The following SEC24D variants were observed in gnomAD, a reference collection of about 807,000 sequenced individuals.
SEC24D encodes the protein protein transport protein Sec24D.
In SEC24D, 69 loss-of-function variants were observed where a neutral mutation model predicts 116.9. The ratio of observed to expected loss-of-function variants is 0.59; its 90% CI spans 0.49 to 0.72. The LOEUF is 0.72. SEC24D is among the 30% of genes least tolerant of loss of function. The probability of loss-of-function intolerance (pLI) is 0.00; values close to 1 mark genes in which losing one functional copy is unlikely to be tolerated. For missense variants in SEC24D, 1,131 were observed against 1,264.1 expected (o/e 0.89, Z 1.60); for synonymous variants, 405 against 442.8 (o/e 0.91, Z 1.07).
At chr4:118,802,505 T>G (rs4834704) in intron 7 of SEC24D, among the ~76,000 whole-genome samples, 52,598 of 152,020 alleles carry the variant, frequency 0.35, 10,873 homozygotes, top group Admixed American at 0.52. Flanking sequence ...AGCTTATTAC[T>G]ATTGGCAAAT....
At chr4:118,727,326 A>G (rs951630445) in intron 22 of SEC24D, among the ~76,000 whole-genome samples, 2 of 152,216 alleles carry the variant, frequency 1.3e-5, no homozygotes, top group Admixed American at 6.5e-5. Context: ...TTATTCACAT[A>G]TAATATTTGA....
intron 19 of SEC24D, among the ~76,000 whole-genome samples, chr4:118,737,455 T>C (rs780308360): frequency 6.6e-5 from 10 of 152,362 alleles, no homozygotes; most frequent in Non-Finnish European, 1.3e-4. Context: ...AAAATTTATC[T>C]GCATTATCTT....
chr4:118,761,266 G>A (rs1727366974), intron 10 of SEC24D, among the ~76,000 whole-genome samples: 1 of 152,164 alleles, frequency 6.6e-6, no homozygotes, highest in East Asian at 1.9e-4. Flanking sequence ...ATTAACTGTT[G>A]ACTGAGTGAA....
intron 2 of SEC24D, among the ~76,000 whole-genome samples, chr4:118,830,151 ATATTTGCAGAGAGTATAATAGCCTGGT>A (rs1433491773): frequency 1.3e-5 from 2 of 152,258 alleles, no homozygotes; most frequent in East Asian, 3.8e-4. Flanking sequence ...ATAGAAAGAT[ATATTTGCAGAGAGTATAATAGCCTGGT>A]TATTCACCTG....
chr4:118,778,234 T>C (rs536303293), intron 8 of SEC24D, among the ~76,000 whole-genome samples: 3 of 152,338 alleles, frequency 2.0e-5, no homozygotes, highest in African/African-American at 7.2e-5. Flanking sequence ...GTTTTTATGG[T>C]TTTAGGTCTA....
chr4:118,805,788 A>G, intron 7 of SEC24D, 55 bp downstream of exon 7: 1 of 1,100,808 alleles, frequency 9.1e-7, no homozygotes, highest in Non-Finnish European at 1.3e-6. Context: ...TATTTGCTTT[A>G]AAAACGGTGA....
chr4:118,728,502 A>G (rs1725520672), intron 22 of SEC24D, 59 bp downstream of exon 22: 5 of 1,001,898 alleles, frequency 5.0e-6, no homozygotes, highest in Non-Finnish European at 7.7e-6. Context: ...TGTGCATGTT[A>G]AGTCTTTAAT....
Position 118,723,568 on chromosome 4 carries a change from A to G in SEC24D, c.3046T>C (p.Tyr1016His). ...TGAACACAACAAAGGAAATCCACATAAGAAGAGCCTCCGTAAAGTCCTTTG... is the reference window on the plus strand; with the variant it reads ...TGAACACAACAAAGGAAATCCACATGAGAAGAGCCTCCGTAAAGTCCTTTG... The part of the protein sequence containing the change: ...EDKGLYGGSS[Y>H]VDFLCCVHKE... Residue 1016 changes from tyrosine (Y) to histidine (H), a missense_variant, in exon 23 of 23, where the codon TAT (tyrosine) becomes CAT (histidine). By Grantham distance (83) the Tyr-to-His change is moderately conservative (BLOSUM62 2). Transcript: ENST00000280551. 6.2e-7 allele frequency: 1 copy of G among 1,613,944 alleles called. No homozygotes were observed. Among genetic ancestry groups the G allele is most frequent in the Non-Finnish European group, 8.5e-7 (1 of 1,179,870 alleles).
chr4:118,802,087 T>C (rs1729468214), intron 7 of SEC24D, among the ~76,000 whole-genome samples: 1 of 152,072 alleles, frequency 6.6e-6, no homozygotes, highest in Admixed American at 6.5e-5. Context: ...CATTGCAACA[T>C]AGCATGGTAA....
chr4:118,756,775 A>G (rs1727120095), intron 11 of SEC24D, among the ~76,000 whole-genome samples: 1 of 152,198 alleles, frequency 6.6e-6, no homozygotes, highest in Non-Finnish European at 1.5e-5. Context: ...ACTAGATGTT[A>G]TTCCTCATCC....
chr4:118,816,838 C>G (rs1430198493), intron 4 of SEC24D: 1 of 455,972 alleles, frequency 2.2e-6, no homozygotes, highest in Non-Finnish European at 4.4e-6. Context: ...TGAGCTTCCA[C>G]TCTTTCCATG....
At chr4:118,730,199 A>T (rs1725612491) in intron 21 of SEC24D, 1 of 152,202 alleles carries the variant, frequency 6.6e-6, no homozygotes, top group African/African-American at 2.4e-5. Context: ...CTTTTATATA[A>T]ACATTCTTCA....
rs1245617922 is a variant in SEC24D at position 118,757,827 on chromosome 4, G to C, written c.1315C>G (p.Pro439Ala). 1 of 1,609,732 alleles carries C rather than the reference G, an allele frequency of 6.2e-7. No homozygotes were observed. The highest frequency in any genetic ancestry group is 8.5e-7 in the Non-Finnish European group (1 of 1,178,176). Residue 439 changes from proline to alanine, a missense_variant, in exon 11 of 23, where the codon CCA becomes GCA. Pro to Ala is a conservative substitution (Grantham distance 27, BLOSUM62 -1). Coordinates refer to ENST00000280551, the MANE Select transcript of SEC24D (RefSeq NM_014822.4). Reference protein sequence around the residue: ...DYCRKSKPPNPPAFIFMIDVS... With the variant: ...DYCRKSKPPNAPAFIFMIDVS... The stretch of plus-strand genomic sequence containing the variant: ...TCAATCATGAAGATAAAGGCTGGTG[G>C]GTTGGGAGGCTTACTCTTCTATAGG...
chr4:118,813,838 C>T (rs1730021272), intron 6 of SEC24D, among the ~76,000 whole-genome samples: 2 of 152,182 alleles, frequency 1.3e-5, no homozygotes, highest in Non-Finnish European at 2.9e-5. Flanking sequence ...CCACAGGAAA[C>T]TAATACATTA....
chr4:118,831,358 G>C (rs1421580566), intron 2 of SEC24D, among the ~76,000 whole-genome samples: 1 of 151,916 alleles, frequency 6.6e-6, no homozygotes, highest in Admixed American at 6.6e-5. Flanking sequence ...TTTTAATAAA[G>C]TTTCTGGTAT....
At chr4:118,815,305 T>A in intron 5 of SEC24D, 146 bp downstream of exon 5, 1 of 1,359,756 alleles carries the variant, frequency 7.4e-7, no homozygotes, top group South Asian at 1.4e-5. Flanking sequence ...GGTTCCCCAT[T>A]TCTTTGCTCT....
At chr4:118,789,558 G>A (rs1415752009) in intron 8 of SEC24D, among the ~76,000 whole-genome samples, 1 of 152,102 alleles carries the variant, frequency 6.6e-6, no homozygotes, top group Non-Finnish European at 1.5e-5. Context: ...TAACAAGAAA[G>A]ATTTAAACAG....
rs754410308 is a variant in SEC24D, at chr4:118,824,645, G to T, written c.223C>A (p.His75Asn). ...CTTTGGGGAGGGTGACCAGTGGCAT[G>T]AGCTCCATTCTGACCAAACTGATGG... is the stretch of plus-strand genomic sequence containing the variant. ...GPHQFGQNGA[H>N]ATGHPPQRFP... The change falls in exon 3 of 23, where the codon CAT (histidine) becomes AAT (asparagine). Residue 75 changes from histidine to asparagine, a missense_variant. By Grantham distance (68) the His-to-Asn change is moderately conservative. Transcript: ENST00000280551. The T allele has an allele frequency of 6.2e-7, 1 of 1,604,158 alleles. No homozygotes were observed. The highest frequency in any genetic ancestry group is 8.5e-7 in the Non-Finnish European group (1 of 1,176,900).
chr4:118,828,876 C>T lies in SEC24D; in HGVS notation c.119-4127G>A, dbSNP rs191679886. The stretch of plus-strand genomic sequence containing the variant: ...TTCCCCCGCCAATGGCATCTCTCAC[C>T]GTTCCCATGCTATTCCCCAGCTATG... On this transcript the variant is annotated intron_variant, in intron 2 of 22. Transcript: ENST00000280551. 4.0e-3 allele frequency among the ~76,000 whole-genome samples: 614 copies of T among 152,312 alleles called. 4 individuals are homozygous for T. The highest frequency in any genetic ancestry group is 0.014 in the African/African-American group (572 of 41,570).
Sources: allele counts gnomAD v4.1 joint callset (sites outside exome capture counted in the v4.1 genomes callset), GRCh38; gene constraint gnomAD v4.1.1; transcripts MANE v1.5; gene names NCBI Gene and HGNC (gene_info 2026-07-23, HGNC 2026-07-21).